The following CFAP95 variants were observed in gnomAD, a reference collection of about 807,000 sequenced individuals.
The protein encoded by CFAP95 is cilia and flagella associated protein 95.
At chr9:69,872,236 G>A in the CFAP95 span, among the ~76,000 whole-genome samples, 2 of 152,158 alleles carry the variant, frequency 1.3e-5, no homozygotes, top group South Asian at 4.1e-4. Context: ...GCTTAAATGT[G>A]TATAGTGCTC....
chr9:69,825,253 T>C, the CFAP95 span, among the ~76,000 whole-genome samples: 1 of 152,208 alleles, frequency 6.6e-6, no homozygotes, highest in Non-Finnish European at 1.5e-5. Flanking sequence ...ACTGTACATA[T>C]AGGTACAAAA....
chr9:69,903,642 TG>T, the CFAP95 span, among the ~76,000 whole-genome samples: 1 of 152,240 alleles, frequency 6.6e-6, no homozygotes, highest in African/African-American at 2.4e-5. Context: ...AACACAGCAC[TG>T]AGAATGAGAG....
At chr9:69,835,632 TAATC>T in the CFAP95 span, among the ~76,000 whole-genome samples, 2 of 152,248 alleles carry the variant, frequency 1.3e-5, no homozygotes, top group African/African-American at 2.4e-5. Context: ...AACATTCATC[TAATC>T]AATCAATCAG....
the CFAP95 span, among the ~76,000 whole-genome samples, chr9:69,824,362 T>C: frequency 2.0e-5 from 3 of 152,192 alleles, no homozygotes; most frequent in African/African-American, 7.2e-5. Context: ...CTACGATTTA[T>C]TTGTAAGTCA....
chr9:69,821,005 C>T, the CFAP95 span: 1 of 1,613,808 alleles, frequency 6.2e-7, no homozygotes, highest in Non-Finnish European at 8.5e-7. Context: ...ACAAGAAATA[C>T]TCGAAGCCGG....
At chr9:69,906,115 T>A in the CFAP95 span, 6 of 1,603,012 alleles carry the variant, frequency 3.7e-6, no homozygotes, top group African/African-American at 8.1e-5. Context: ...CCTTGACTAG[T>A]GGGCCTATTG....
chr9:69,845,233 G>A, the CFAP95 span, among the ~76,000 whole-genome samples: 4 of 152,280 alleles, frequency 2.6e-5, no homozygotes, highest in Admixed American at 6.5e-5. Context: ...AGGTGAGTGC[G>A]TTACTGCTTG....
chr9:69,895,259 C>T, the CFAP95 span, among the ~76,000 whole-genome samples: 2 of 151,934 alleles, frequency 1.3e-5, no homozygotes, highest in South Asian at 4.2e-4. Context: ...AATTCAGTCT[C>T]AAGATTGTAA....
At chr9:69,900,164 A>G in the CFAP95 span, among the ~76,000 whole-genome samples, 1 of 152,232 alleles carries the variant, frequency 6.6e-6, no homozygotes, top group South Asian at 2.1e-4. Context: ...ATATACACCC[A>G]CAGCTGTGAG....
chr9:69,898,096 T>A, the CFAP95 span, among the ~76,000 whole-genome samples: 1 of 151,238 alleles, frequency 6.6e-6, no homozygotes, highest in African/African-American at 2.4e-5. Context: ...GCATGTTTTA[T>A]GGGACTCCCC....
the CFAP95 span, among the ~76,000 whole-genome samples, chr9:69,869,263 A>G: frequency 6.6e-6 from 1 of 152,212 alleles, no homozygotes; most frequent in Non-Finnish European, 1.5e-5. Flanking sequence ...GTTGATGGAT[A>G]TTATTTCACC....
the CFAP95 span, among the ~76,000 whole-genome samples, chr9:69,877,704 T>C: frequency 2.0e-5 from 3 of 152,364 alleles, no homozygotes; most frequent in African/African-American, 7.2e-5. Context: ...TTTTTAAAAA[T>C]GTAAACAACT....
the CFAP95 span, among the ~76,000 whole-genome samples, chr9:69,883,837 A>G: frequency 6.4e-3 from 3 of 472 alleles, no homozygotes; most frequent in South Asian, 0.12. Context: ...AAAAACAATT[A>G]AAAAAAAATC....
chr9:69,862,880 C>T, the CFAP95 span, among the ~76,000 whole-genome samples: 91 of 152,272 alleles, frequency 6.0e-4, no homozygotes, highest in African/African-American at 2.1e-3. Flanking sequence ...GGGTAGCAAA[C>T]ATCTCAATGA....
the CFAP95 span, among the ~76,000 whole-genome samples, chr9:69,830,444 A>G: frequency 4.6e-5 from 7 of 152,180 alleles, no homozygotes; most frequent in African/African-American, 1.7e-4. Flanking sequence ...TCTAGAACAT[A>G]ACCTATTAAT....
chr9:69,866,997 C>T, the CFAP95 span, among the ~76,000 whole-genome samples: 1,544 of 152,194 alleles, frequency 0.01, 27 homozygotes, highest in African/African-American at 0.035. Flanking sequence ...GAATTAATTG[C>T]GGAGTCAACC....
the CFAP95 span, among the ~76,000 whole-genome samples, chr9:69,875,912 A>G: frequency 6.6e-6 from 1 of 152,224 alleles, no homozygotes; most frequent in African/African-American, 2.4e-5. Flanking sequence ...CACTATTACA[A>G]ATAAGGCCAC....
the CFAP95 span, among the ~76,000 whole-genome samples, chr9:69,896,680 A>G: frequency 6.6e-6 from 1 of 152,310 alleles, no homozygotes; most frequent in South Asian, 2.1e-4. Flanking sequence ...ACATTTGCCA[A>G]TTATTCTTAT....
the CFAP95 span, chr9:69,857,894 G>A: frequency 1.9e-6 from 3 of 1,611,156 alleles, no homozygotes; most frequent in African/African-American, 1.3e-5. Flanking sequence ...CTAAAAAAAT[G>A]TTATCTTGTT....
Sources: allele counts gnomAD v4.1 joint callset (sites outside exome capture counted in the v4.1 genomes callset), GRCh38; gene constraint gnomAD v4.1.1; transcripts MANE v1.5; gene names NCBI Gene and HGNC (gene_info 2026-07-23, HGNC 2026-07-21).